The following ZNF277 variants were observed in gnomAD, a reference collection of about 807,000 sequenced individuals.
ZNF277 encodes nuclear receptor-interacting factor 4.
Under a neutral mutation model 60.7 loss-of-function variants are expected in ZNF277, and 55 were observed. That is an observed-to-expected ratio of 0.91 (90% CI 0.73 to 1.13). ZNF277 has a LOEUF of 1.13. ZNF277 is among the 50% of genes most tolerant of loss of function. The pLI is 0.00. For synonymous variants in ZNF277, 178 were observed against 179.3 expected (o/e 0.99, Z 0.06); for missense variants, 510 against 523.0 (o/e 0.98, Z 0.24).
intron 1 of ZNF277, among the ~76,000 whole-genome samples, chr7:112,263,466 A>G (rs1414378477): frequency 6.6e-6 from 1 of 152,212 alleles, no homozygotes; most frequent in Non-Finnish European, 1.5e-5. Flanking sequence ...ATCAGAGACT[A>G]CATGTAAAAT....
intron 4 of ZNF277, among the ~76,000 whole-genome samples, chr7:112,311,664 G>A (rs1460290199): frequency 1.3e-5 from 2 of 150,844 alleles, no homozygotes; most frequent in Non-Finnish European, 2.9e-5. Context: ...ATATGCCACA[G>A]CTAATTCTAT....
intron 5 of ZNF277, among the ~76,000 whole-genome samples, chr7:112,325,981 A>C (rs183406808): frequency 6.5e-4 from 99 of 152,156 alleles, no homozygotes; most frequent in African/African-American, 2.3e-3. Flanking sequence ...CTCCAAACTC[A>C]TTTACCCCAG....
At chr7:112,268,684 A>G (rs1048352709) in intron 1 of ZNF277, among the ~76,000 whole-genome samples, 5 of 152,074 alleles carry the variant, frequency 3.3e-5, no homozygotes, top group Non-Finnish European at 5.9e-5. Context: ...CATGATAACT[A>G]CCTACCTTCA....
chr7:112,337,780 G>A lies in ZNF277; in HGVS notation c.920G>A (p.Cys307Tyr). 1 of 1,612,498 alleles carries A rather than the reference G, an allele frequency of 6.2e-7. No individual in the cohort carries two copies. Among genetic ancestry groups the A allele is most frequent in the Non-Finnish European group, 8.5e-7 (1 of 1,179,490 alleles). The change falls in exon 9 of 12, where the codon TGT becomes TAT. Residue 307 changes from cysteine to tyrosine, a missense_variant. Cys to Tyr is a radical substitution (Grantham distance 194, BLOSUM62 -2). Coordinates refer to ENST00000361822, the MANE Select transcript of ZNF277 (RefSeq NM_021994.3). ...CCTGCCTCTGCAGTCTGCTTATTTT[G>A]TGAAAAGCAAGCAGAAACAATTGAG... ...EHPASAVCLF[C>Y]EKQAETIEKL...
chr7:112,304,711 C>T (rs542505641), intron 4 of ZNF277, among the ~76,000 whole-genome samples: 5 of 151,958 alleles, frequency 3.3e-5, no homozygotes, highest in South Asian at 4.1e-4. Flanking sequence ...ATGAAAATAC[C>T]GTCTTACTGT....
intron 4 of ZNF277, among the ~76,000 whole-genome samples, chr7:112,312,355 G>A (rs1792750448): frequency 6.6e-6 from 1 of 152,052 alleles, no homozygotes; most frequent in Admixed American, 6.6e-5. Flanking sequence ...AGGTTAGGGA[G>A]GAACATTAAA....
chr7:112,334,389 A>G (rs865939965), intron 7 of ZNF277, among the ~76,000 whole-genome samples: 23 of 149,038 alleles, frequency 1.5e-4, no homozygotes, highest in African/African-American at 5.7e-4. Flanking sequence ...TGTCTTAATT[A>G]GAGAGTTATG....
chr7:112,241,193 G>A (rs1216356836), intron 1 of ZNF277, among the ~76,000 whole-genome samples: 2 of 151,952 alleles, frequency 1.3e-5, no homozygotes, highest in African/African-American at 4.8e-5. Flanking sequence ...TAAAAAATGA[G>A]CAAAAGACCT....
At chr7:112,331,041 T>G (rs532906895) in intron 7 of ZNF277, among the ~76,000 whole-genome samples, 1 of 152,328 alleles carries the variant, frequency 6.6e-6, no homozygotes, top group East Asian at 1.9e-4. Context: ...AGCTTATTTT[T>G]AAGGGAAGTT....
chr7:112,234,329 G>T (rs902401606), intron 1 of ZNF277, among the ~76,000 whole-genome samples: 1 of 152,112 alleles, frequency 6.6e-6, no homozygotes, highest in Non-Finnish European at 1.5e-5. Context: ...ATGGTTCTGG[G>T]GGTTGGTAAG....
chr7:112,253,917 A>G lies in ZNF277; in HGVS notation c.92-32956A>G, dbSNP rs188595500. ...TCTTTTATCATCATTATTATTATTC[A>G]TCAGTTCTCCTCTTTTCATTCACTT... On this transcript the variant is annotated intron_variant, in intron 1 of 11. Coordinates refer to ENST00000361822, the MANE Select transcript of ZNF277 (RefSeq NM_021994.3). Among the ~76,000 whole-genome samples the G allele has an allele frequency of 1.5e-3, 223 of 152,234 alleles. 1 individual carries two copies. Among genetic ancestry groups the G allele is most frequent in the Non-Finnish European group, 2.7e-3 (186 of 68,012 alleles).
chr7:112,273,665 G>C (rs947775857), intron 1 of ZNF277, among the ~76,000 whole-genome samples: 1 of 152,126 alleles, frequency 6.6e-6, no homozygotes, highest in East Asian at 1.9e-4. Context: ...AGTTGTGTTA[G>C]GTGTGTCTGT....
intron 5 of ZNF277, among the ~76,000 whole-genome samples, chr7:112,324,399 A>G (rs1784282615): frequency 6.6e-6 from 1 of 152,200 alleles, no homozygotes; most frequent in Admixed American, 6.5e-5. Flanking sequence ...AATAATTTAA[A>G]CTGTTATGCA....
intron 4 of ZNF277, among the ~76,000 whole-genome samples, chr7:112,299,463 A>C (rs897980649): frequency 6.6e-6 from 1 of 152,202 alleles, no homozygotes; most frequent in Non-Finnish European, 1.5e-5. Context: ...GCACTTTCTC[A>C]TCATGCATTG....
At chr7:112,274,662 A>G (rs1791752043) in intron 1 of ZNF277, among the ~76,000 whole-genome samples, 2 of 152,330 alleles carry the variant, frequency 1.3e-5, no homozygotes, top group South Asian at 4.1e-4. Flanking sequence ...TAAAACATTA[A>G]TTATAATAGG....
At chr7:112,285,239 C>T (rs1792038146) in intron 1 of ZNF277, among the ~76,000 whole-genome samples, 1 of 151,586 alleles carries the variant, frequency 6.6e-6, no homozygotes, top group South Asian at 2.1e-4. Flanking sequence ...ACCATGCTGG[C>T]CAGGATGGTC....
intron 11 of ZNF277, among the ~76,000 whole-genome samples, chr7:112,341,958 A>G (rs1316105533): frequency 6.6e-6 from 1 of 152,168 alleles, no homozygotes; most frequent in Admixed American, 6.5e-5. Flanking sequence ...ATGTATTCAG[A>G]GAAGGAACCA....
In ZNF277 at chr7:112,216,322, G is replaced by A. The variant is rs78621950; in HGVS notation, c.91+9515G>A. 7.6e-3 allele frequency among the ~76,000 whole-genome samples: 1,162 copies of A among 152,072 alleles called. 9 individuals are homozygous for A. The highest frequency in any genetic ancestry group is 0.013 in the Non-Finnish European group (887 of 67,956). ...TTTTGTTTGTTTTTGTTTGTTTTTT[G>A]TTTTTTAGACAGGGTCTCACTCTTT... On this transcript the variant is annotated intron_variant, in intron 1 of 11. Transcript: ENST00000361822.
intron 4 of ZNF277, among the ~76,000 whole-genome samples, chr7:112,297,460 G>A (rs531823083): frequency 6.6e-6 from 1 of 152,204 alleles, no homozygotes; most frequent in African/African-American, 2.4e-5. Context: ...AAGAGATCAA[G>A]GAGAAAAATA....
Sources: gnomAD v4.1 joint callset for allele counts (sites outside exome capture counted in the v4.1 genomes callset) on GRCh38, gnomAD v4.1.1 for gene constraint, MANE v1.5 for transcripts, NCBI Gene and HGNC (gene_info 2026-07-23, HGNC 2026-07-21) for gene names.